Variants in PLEKHG1 observed in about 807,000 individuals in gnomAD.
PLEKHG1 encodes the protein pleckstrin homology and RhoGEF domain containing G1.
In PLEKHG1, 44 loss-of-function variants were observed where a neutral mutation model predicts 100.8. That is an observed-to-expected ratio of 0.44 (90% CI 0.34 to 0.56). PLEKHG1 has a LOEUF of 0.56. PLEKHG1 is among the 20% of genes least tolerant of loss of function. PLEKHG1 has a pLI of 0.01. For synonymous variants in PLEKHG1, 640 were observed against 662.5 expected (o/e 0.97, Z 0.52); for missense variants, 1,545 against 1,720.9 (o/e 0.90, Z 1.81).
At chr6:150,684,368 C>A (rs1780039369) in intron 3 of PLEKHG1, among the ~76,000 whole-genome samples, 1 of 152,156 alleles carries the variant, frequency 6.6e-6, no homozygotes, top group South Asian at 2.1e-4. Context: ...TTGGCTGTTT[C>A]GGGAATGACG....
intron 1 of PLEKHG1, among the ~76,000 whole-genome samples, chr6:150,631,519 T>C (rs1306191276): frequency 6.6e-6 from 1 of 152,210 alleles, no homozygotes; most frequent in African/African-American, 2.4e-5. Flanking sequence ...TCTTGTGGCT[T>C]GGACGCTGAT....
chr6:150,727,702 T>G (rs1278970169), intron 1 of PLEKHG1, among the ~76,000 whole-genome samples: 2 of 152,202 alleles, frequency 1.3e-5, no homozygotes, highest in Non-Finnish European at 2.9e-5. Context: ...TATGGATACT[T>G]CCACCCCCAC....
At position 150,672,357 on chromosome 6, in the gene PLEKHG1, A is replaced by G. The variant is rs531405089; in HGVS notation, c.-99+21571A>G. 2.0e-5 allele frequency among the ~76,000 whole-genome samples: 3 copies of G among 152,338 alleles called. No homozygotes were observed. In the South Asian group the frequency reaches 6.2e-4, roughly 32 times the overall value. On this transcript the variant is annotated intron_variant, in intron 3 of 3. Transcript: ENST00000367326. Reference sequence around the variant, plus strand: ...TGCTTGGAAGTCCAGTGCAAAGTCTAGCAGTTGCTGCTACCTCCTCTGCTT... The same window carrying G: ...TGCTTGGAAGTCCAGTGCAAAGTCTGGCAGTTGCTGCTACCTCCTCTGCTT...
chr6:150,741,978 G>A (rs1008633607), intron 2 of PLEKHG1, among the ~76,000 whole-genome samples: 2 of 152,168 alleles, frequency 1.3e-5, no homozygotes, highest in Non-Finnish European at 2.9e-5. Flanking sequence ...TCTAGCCATT[G>A]CCAAGTGCCC....
At chr6:150,670,517 G>C (rs965719179) in intron 3 of PLEKHG1, among the ~76,000 whole-genome samples, 6 of 152,222 alleles carry the variant, frequency 3.9e-5, no homozygotes, top group African/African-American at 1.4e-4. Context: ...TCACAAATCT[G>C]AGCATGGGCG....
intron 3 of PLEKHG1, among the ~76,000 whole-genome samples, chr6:150,703,733 G>A (rs1780896506): frequency 6.6e-6 from 1 of 152,044 alleles, no homozygotes. Flanking sequence ...GAACATTCTT[G>A]TGTCACAGCA....
At chr6:150,782,282 G>T (rs958847218) in intron 3 of PLEKHG1, among the ~76,000 whole-genome samples, 6 of 152,028 alleles carry the variant, frequency 3.9e-5, no homozygotes, top group African/African-American at 1.4e-4. Flanking sequence ...GCTGGGCATG[G>T]TGGTGGGAGG....
At chr6:150,780,590 T>C (rs1785255701) in intron 3 of PLEKHG1, among the ~76,000 whole-genome samples, 1 of 152,304 alleles carries the variant, frequency 6.6e-6, no homozygotes, top group South Asian at 2.1e-4. Context: ...CTCACTTTTA[T>C]TATTATTTTC....
intron 6 of PLEKHG1, among the ~76,000 whole-genome samples, chr6:150,803,224 A>G (rs1385651592): frequency 6.6e-6 from 1 of 152,338 alleles, no homozygotes; most frequent in East Asian, 1.9e-4. Flanking sequence ...TGTTACTACA[A>G]AATAATGGAA....
Position 150,831,043 on chromosome 6 carries a change from T to G in PLEKHG1, c.1932T>G (p.Thr644=). The stretch of plus-strand genomic sequence containing the variant: ...AAACAGAAGGGCAGGAGGAGATGAC[T>G]CCCTTTGGGTCATCCATAGAGTTGA... Residue 644 remains threonine, a synonymous_variant, in exon 15 of 16, where the codon ACT becomes ACG. Transcript: ENST00000358517. This position sits in a 1 kb window ranked among gnomAD's most constrained non-coding sequence, Gnocchi z 4.1. 1.2e-6 allele frequency: 2 copies of G among 1,613,334 alleles called. No homozygotes were observed. Among genetic ancestry groups the G allele is most frequent in the Non-Finnish European group, 1.7e-6 (2 of 1,179,332 alleles).
intron 4 of PLEKHG1, among the ~76,000 whole-genome samples, chr6:150,794,900 C>T (rs555359071): frequency 1.3e-5 from 2 of 152,028 alleles, no homozygotes; most frequent in South Asian, 2.1e-4. Context: ...AACCTAATTC[C>T]AGTTGAGGTT....
intron 2 of PLEKHG1, among the ~76,000 whole-genome samples, chr6:150,735,365 C>T (rs1382685544): frequency 6.6e-6 from 1 of 152,142 alleles, no homozygotes; most frequent in African/African-American, 2.4e-5. Context: ...TTTGTTACTA[C>T]CTGTTTCCTG....
chr6:150,664,037 C>T (rs1394085352), intron 3 of PLEKHG1: 1 of 152,196 alleles, frequency 6.6e-6, no homozygotes, highest in African/African-American at 2.4e-5. Context: ...GGAGTACAGC[C>T]TCTAAGACTC....
At chr6:150,818,065 G>T (rs555508610) in intron 10 of PLEKHG1, 118 bp from the exon 12 acceptor site, 1 of 814,200 alleles carries the variant, frequency 1.2e-6, no homozygotes, top group South Asian at 1.5e-5. Flanking sequence ...CATAAATAGC[G>T]AGTTTTTAAA....
rs200150820 is a variant in PLEKHG1 at position 150,636,293 on chromosome 6, A to T, written c.-203-1787A>T. 9.9e-3 allele frequency among the ~76,000 whole-genome samples: 755 copies of T among 76,590 alleles called. 5 individuals are homozygous for T. Among genetic ancestry groups the T allele is most frequent in the East Asian group, 0.031 (87 of 2,814 alleles). 50.2% of individuals were successfully genotyped at this position (76,590 alleles called of 152,430 possible). Reference sequence around the variant, plus strand: ...TTGTATGTAACTCATGACTTTTTTTAAAAAAAAAAGCTAGTGTAACACATG... The same window carrying T: ...TTGTATGTAACTCATGACTTTTTTTTAAAAAAAAAGCTAGTGTAACACATG... On this transcript the variant is annotated intron_variant, in intron 1 of 3. Transcript: ENST00000367326.
chr6:150,800,959 T>C (rs1786666096), intron 6 of PLEKHG1, 90 bp downstream of exon 7: 4 of 1,001,986 alleles, frequency 4.0e-6, no homozygotes, highest in Non-Finnish European at 6.1e-6. Flanking sequence ...GAAAATGCTA[T>C]GGACATATGG....
At chr6:150,625,479 T>G (rs961509893) in intron 1 of PLEKHG1, among the ~76,000 whole-genome samples, 1 of 152,090 alleles carries the variant, frequency 6.6e-6, no homozygotes, top group Non-Finnish European at 1.5e-5. Context: ...GGACCTCATT[T>G]TACCTTAATC....
chr6:150,805,670 G>T (rs1046511008), intron 7 of PLEKHG1, among the ~76,000 whole-genome samples: 2 of 152,090 alleles, frequency 1.3e-5, no homozygotes, highest in African/African-American at 4.8e-5. Flanking sequence ...TGGGATTACA[G>T]GGGCATACCA....
intron 13 of PLEKHG1, among the ~76,000 whole-genome samples, chr6:150,821,458 C>A (rs542666573): frequency 9.2e-5 from 14 of 152,090 alleles, no homozygotes; most frequent in Non-Finnish European, 1.6e-4. Flanking sequence ...CCGAGGCGGG[C>A]GGCTCTGTTG....
Sources: gnomAD v4.1 joint callset for allele counts (sites outside exome capture counted in the v4.1 genomes callset) on GRCh38, gnomAD v4.1.1 for gene constraint, Gnocchi (gnomAD v3.1) non-coding constraint, MANE v1.5 for transcripts, NCBI Gene and HGNC (gene_info 2026-07-23, HGNC 2026-07-21) for gene names.